The following SOX6 variants were observed in gnomAD, a reference collection of about 807,000 sequenced individuals.
SOX6 encodes the protein transcription factor SOX-6.
Under a neutral mutation model 97.8 loss-of-function variants are expected in SOX6, and 11 were observed. That is an observed-to-expected ratio of 0.11 (90% CI 0.07 to 0.19). The LOEUF (loss-of-function observed/expected upper bound fraction) is 0.19, where lower values mean the gene tolerates loss of function less well. Ranked by LOEUF, SOX6 falls within the 10% of genes least tolerant of loss-of-function variation. The pLI is 1.00. For missense variants in SOX6, 810 were observed against 1,039.5 expected (o/e 0.78, Z 3.04); for synonymous variants, 360 against 371.4 (o/e 0.97, Z 0.35).
In SOX6 at chr11:16,179,804, T is replaced by A. The variant is rs1283046202; in HGVS notation, c.777+4082A>T. On this transcript the variant is annotated intron_variant, in intron 6 of 15. Coordinates refer to ENST00000683767, the MANE Select transcript of SOX6 (RefSeq NM_001367873.1). ...CCATTCTTAAGAGATCGTTGTTTAG[T>A]TAGTTATGTGAGGAGAGGACACTGC... Among the ~76,000 whole-genome samples the A allele has an allele frequency of 2.0e-5, 3 of 151,918 alleles. No individual in the cohort carries two copies. In the East Asian group the frequency reaches 5.8e-4, roughly 29 times the overall value.
chr11:16,724,140 T>C (rs529158125), intron 2 of SOX6, among the ~76,000 whole-genome samples: 90 of 152,360 alleles, frequency 5.9e-4, no homozygotes, highest in African/African-American at 2.0e-3. Context: ...ACTGTTGTCT[T>C]GAAAGAGGAT....
intron 1 of SOX6, among the ~76,000 whole-genome samples, chr11:16,353,650 G>A (rs1261159954): frequency 6.6e-6 from 1 of 151,910 alleles, no homozygotes; most frequent in Non-Finnish European, 1.5e-5. Flanking sequence ...ACAGCTCCAG[G>A]AGAACATGAG....
At chr11:16,289,237 A>G (rs900705562) in intron 3 of SOX6, among the ~76,000 whole-genome samples, 2 of 151,970 alleles carry the variant, frequency 1.3e-5, no homozygotes, top group African/African-American at 4.8e-5. Flanking sequence ...AAGATGACCT[A>G]TTAGGGAATA....
intron 6 of SOX6, among the ~76,000 whole-genome samples, chr11:16,169,714 C>A (rs1850980780): frequency 6.6e-6 from 1 of 152,040 alleles, no homozygotes; most frequent in Non-Finnish European, 1.5e-5. Flanking sequence ...AAGGATGCTG[C>A]TTAGTAAATA....
At chr11:16,402,556 C>A in intron 1 of SOX6, 1 of 1,192,396 alleles carries the variant, frequency 8.4e-7, no homozygotes, top group Non-Finnish European at 1.2e-6. Context: ...ACCCAAAGCA[C>A]ACTGGAATCT....
At chr11:16,376,375 G>C (rs557940618) in intron 1 of SOX6, among the ~76,000 whole-genome samples, 91 of 151,964 alleles carry the variant, frequency 6.0e-4, no homozygotes, top group Non-Finnish European at 1.2e-3. Flanking sequence ...GAGAGAGAGA[G>C]GCATCCAGAA....
At chr11:16,429,770 C>A (rs945476117) in intron 1 of SOX6, among the ~76,000 whole-genome samples, 1 of 152,006 alleles carries the variant, frequency 6.6e-6, no homozygotes, top group Non-Finnish European at 1.5e-5. Context: ...GTACAATGAA[C>A]CCCTATGACA....
chr11:16,642,925 T>C (rs1330164635), intron 3 of SOX6, among the ~76,000 whole-genome samples: 3 of 152,244 alleles, frequency 2.0e-5, no homozygotes, highest in African/African-American at 7.2e-5. Context: ...ATCAAAGTCA[T>C]TCTCTGTCCA....
At chr11:16,302,566 CTTT>C (rs71044096) in intron 3 of SOX6, among the ~76,000 whole-genome samples, 3 of 86,998 alleles carry the variant, frequency 3.4e-5, no homozygotes, top group Non-Finnish European at 6.3e-5. Flanking sequence ...TTCTTTTTTT[CTTT>C]TTTTTTTTTT....
chr11:16,300,278 A>G lies in SOX6; in HGVS notation c.445+18168T>C, dbSNP rs748693671. 2.0e-5 allele frequency among the ~76,000 whole-genome samples: 3 copies of G among 152,164 alleles called. No homozygotes were observed. Among genetic ancestry groups the G allele is most frequent in the Admixed American group, 6.5e-5 (1 of 15,268 alleles). ...GGGATTAAAAAAAAGGACTTATACA[A>G]ATGGAGAAAGTCCACAATATTAGAC... On this transcript the variant is annotated intron_variant, in intron 3 of 15. Transcript: ENST00000683767. This position sits in a 1 kb window ranked among gnomAD's most constrained non-coding sequence, Gnocchi z 4.1.
intron 4 of SOX6, among the ~76,000 whole-genome samples, chr11:16,224,393 G>A (rs1007260952): frequency 7.2e-5 from 11 of 151,844 alleles, no homozygotes; most frequent in Non-Finnish European, 1.0e-4. Context: ...CCAACATATT[G>A]ATTTCTTTTA....
chr11:16,591,854 T>C (rs1476444373), intron 4 of SOX6, among the ~76,000 whole-genome samples: 2 of 152,130 alleles, frequency 1.3e-5, no homozygotes, highest in East Asian at 3.8e-4. Flanking sequence ...TTGGATCTAT[T>C]TTTCTTTCTG....
At chr11:16,530,980 AAT>A (rs1861228758) in intron 4 of SOX6, among the ~76,000 whole-genome samples, 2 of 147,684 alleles carry the variant, frequency 1.4e-5, no homozygotes, top group African/African-American at 4.9e-5. Flanking sequence ...AATATATATA[AAT>A]ATATATAATG....
intron 4 of SOX6, among the ~76,000 whole-genome samples, chr11:16,487,927 T>TA (rs2133130231): frequency 6.6e-6 from 1 of 152,330 alleles, no homozygotes; most frequent in South Asian, 2.1e-4. Context: ...AATATGTACT[T>TA]AGACTACTAT....
chr11:16,197,861 T>C (rs1026538588), intron 4 of SOX6, among the ~76,000 whole-genome samples: 2 of 152,176 alleles, frequency 1.3e-5, no homozygotes, highest in African/African-American at 4.8e-5. Context: ...AAGTAGAACA[T>C]GAATAAAATT....
intron 15 of SOX6, among the ~76,000 whole-genome samples, chr11:15,979,250 A>G (rs1034988178): frequency 2.6e-5 from 4 of 151,664 alleles, no homozygotes; most frequent in Non-Finnish European, 5.9e-5. Context: ...CAAACTCTGT[A>G]TCCAATTGAT....
intron 6 of SOX6, among the ~76,000 whole-genome samples, chr11:16,177,357 T>C (rs1851220736): frequency 6.6e-6 from 1 of 151,922 alleles, no homozygotes; most frequent in Non-Finnish European, 1.5e-5. Flanking sequence ...TTTCAAGGGT[T>C]CCCCAAAATT....
chr11:16,674,228 T>C (rs1590047489), intron 3 of SOX6, among the ~76,000 whole-genome samples: 1 of 146,578 alleles, frequency 6.8e-6, no homozygotes, highest in Admixed American at 6.9e-5. Flanking sequence ...CATGATCAAG[T>C]GGGATTTACC....
chr11:16,727,224 T>C (rs1445282692), intron 2 of SOX6, among the ~76,000 whole-genome samples: 1 of 148,126 alleles, frequency 6.8e-6, no homozygotes, highest in Non-Finnish European at 1.5e-5. Flanking sequence ...ATTGATTATT[T>C]TCCATCTTTT....
Sources: allele counts gnomAD v4.1 joint callset (sites outside exome capture counted in the v4.1 genomes callset), GRCh38; gene constraint gnomAD v4.1.1; non-coding constraint Gnocchi (gnomAD v3.1); transcripts MANE v1.5; gene names NCBI Gene and HGNC (gene_info 2026-07-23, HGNC 2026-07-21).